Variants in TACC2 observed in about 807,000 individuals in gnomAD.
The protein encoded by TACC2 is transforming acidic coiled-coil-containing protein 2.
A neutral mutation model predicts 227.3 loss-of-function variants in TACC2; 137 were observed. That is an observed-to-expected ratio of 0.60 (90% CI 0.52 to 0.69). The LOEUF (loss-of-function observed/expected upper bound fraction) is 0.69. Among genes scored for constraint, TACC2 ranks in the 30% least tolerant of loss-of-function variants. TACC2 has a pLI of 0.00. For missense variants in TACC2, 3,470 were observed against 3,694.4 expected (o/e 0.94, Z 1.57); for synonymous variants, 1,523 against 1,487.5 (o/e 1.02, Z -0.55).
intron 1 of TACC2, among the ~76,000 whole-genome samples, chr10:121,990,583 T>C (rs1952987949): frequency 6.6e-6 from 1 of 152,084 alleles, no homozygotes; most frequent in African/African-American, 2.4e-5. Flanking sequence ...TTTCAGACCC[T>C]CTCCAGGGTC....
At chr10:122,131,956 C>T (rs765140785) in intron 5 of TACC2, among the ~76,000 whole-genome samples, 1 of 151,768 alleles carries the variant, frequency 6.6e-6, no homozygotes, top group Non-Finnish European at 1.5e-5. Flanking sequence ...CGTGAGGCGG[C>T]GGTTGCAATG....
intron 12 of TACC2, 127 bp downstream of exon 12, chr10:122,224,914 C>T (rs79620590): frequency 7.8e-5 from 60 of 764,612 alleles, no homozygotes; most frequent in Admixed American, 6.4e-4. Flanking sequence ...CACAGCTTCC[C>T]GGGTGCACAG....
rs188595721 is a variant in TACC2 at position 122,128,872 on chromosome 10, C to T, written c.5574-3737C>T. 2.7e-3 allele frequency among the ~76,000 whole-genome samples: 402 copies of T among 151,146 alleles called. 6 individuals are homozygous for T. The highest frequency in any genetic ancestry group is 0.011 in the Admixed American group (167 of 15,136). On this transcript the variant is annotated intron_variant, in intron 5 of 22. Coordinates refer to ENST00000369005, the MANE Select transcript of TACC2 (RefSeq NM_206862.4). Reference sequence around the variant, plus strand: ...TTCATTGTTCAGGCTATTATGCTTGCGCTGTCTCTCTCTCTCTCTGTCACG... The same window carrying T: ...TTCATTGTTCAGGCTATTATGCTTGTGCTGTCTCTCTCTCTCTCTGTCACG...
intron 5 of TACC2, among the ~76,000 whole-genome samples, chr10:122,115,584 G>A (rs1186727709): frequency 6.6e-6 from 1 of 152,178 alleles, no homozygotes; most frequent in African/African-American, 2.4e-5. Context: ...TCTCAATAGA[G>A]GATGCTGCCA....
At chr10:122,206,804 A>G (rs962456700) in intron 8 of TACC2, among the ~76,000 whole-genome samples, 1 of 152,208 alleles carries the variant, frequency 6.6e-6, no homozygotes, top group Non-Finnish European at 1.5e-5. Flanking sequence ...CAGTGGAGAC[A>G]TGAGGTGGAG....
At position 122,210,174 on chromosome 10, in the gene TACC2, C is replaced by T; in HGVS notation, c.5972-223C>T. ...TTCTTTAATCGGTCCTCATGATCCT[C>T]ATTGTACAGATGAGGGAACTCTGGG... On this transcript the variant is annotated intron_variant, in intron 8 of 22. Coordinates refer to ENST00000369005, the MANE Select transcript of TACC2 (RefSeq NM_206862.4). The surrounding 1 kb of genome is among the most constrained non-coding windows in gnomAD (Gnocchi z 4.6). 1.7e-6 allele frequency: 1 copy of T among 601,264 alleles called. No homozygotes were observed. Among genetic ancestry groups the T allele is most frequent in the South Asian group, 2.0e-5 (1 of 50,134 alleles). 37.2% of individuals were successfully genotyped at this position (601,264 alleles called of 1,614,324 possible).
chr10:122,184,950 T>C (rs1232600334), intron 7 of TACC2, among the ~76,000 whole-genome samples: 1 of 151,942 alleles, frequency 6.6e-6, no homozygotes, highest in Non-Finnish European at 1.5e-5. Flanking sequence ...CTCTAGTGGT[T>C]GGCCAGAGCT....
intron 8 of TACC2, among the ~76,000 whole-genome samples, chr10:122,207,874 C>T (rs1488977492): frequency 2.0e-5 from 3 of 152,116 alleles, no homozygotes; most frequent in Non-Finnish European, 2.9e-5. Flanking sequence ...TGTTTGTGGG[C>T]CTTGACGACG....
intron 7 of TACC2, among the ~76,000 whole-genome samples, chr10:122,173,767 A>G (rs983226213): frequency 1.3e-5 from 2 of 152,206 alleles, no homozygotes; most frequent in Non-Finnish European, 2.9e-5. Context: ...TTCCTTCTTC[A>G]TGTCCTTCCT....
intron 17 of TACC2, 148 bp from the exon 18 acceptor site, chr10:122,237,813 G>A (rs1428277942): frequency 2.7e-5 from 19 of 710,104 alleles, no homozygotes; most frequent in Non-Finnish European, 3.7e-5. Context: ...TTTTATGCTC[G>A]GGGAAGTTCT....
chr10:122,137,757 G>C (rs1487880149), intron 6 of TACC2, among the ~76,000 whole-genome samples: 1 of 152,168 alleles, frequency 6.6e-6, no homozygotes, highest in Admixed American at 6.5e-5. Flanking sequence ...GGGGTGTTGG[G>C]AGGGGCCCAC....
intron 2 of TACC2, among the ~76,000 whole-genome samples, chr10:122,031,397 C>CTTTTT (rs758476678): frequency 3.4e-4 from 31 of 91,746 alleles, no homozygotes; most frequent in African/African-American, 8.1e-4. Flanking sequence ...GGTCTAGCCT[C>CTTTTT]TTTTTTTTTT....
chr10:122,061,244 G>T (rs2076783032), intron 3 of TACC2, among the ~76,000 whole-genome samples: 1 of 143,956 alleles, frequency 6.9e-6, no homozygotes, highest in African/African-American at 2.6e-5. Context: ...CCGGGAGGCG[G>T]AGCTTGCAGT....
intron 5 of TACC2, among the ~76,000 whole-genome samples, chr10:122,116,784 C>T (rs938243638): frequency 2.0e-5 from 3 of 152,292 alleles, no homozygotes; most frequent in Middle Eastern, 3.4e-3. Flanking sequence ...AGGAGACATA[C>T]TATGAAACGC....
intron 2 of TACC2, among the ~76,000 whole-genome samples, chr10:122,029,793 G>A (rs554748258): frequency 6.6e-6 from 1 of 151,996 alleles, no homozygotes; most frequent in Non-Finnish European, 1.5e-5. Context: ...CTTTAGTCCT[G>A]CTCATTAACA....
At chr10:122,136,883 A>T (rs184283823) in intron 6 of TACC2, among the ~76,000 whole-genome samples, 191 of 152,058 alleles carry the variant, frequency 1.3e-3, no homozygotes, top group Non-Finnish European at 2.1e-3. Flanking sequence ...AAAAAAATTT[A>T]AAAAAAAGTA....
chr10:122,079,149 A>G (rs1287374620), intron 3 of TACC2: 1 of 152,300 alleles, frequency 6.6e-6, no homozygotes, highest in Middle Eastern at 3.4e-3. Context: ...TCACATACTA[A>G]ACTGTTTGAC....
At position 122,007,335 on chromosome 10, in the gene TACC2, G is replaced by C. The variant is rs575441959; in HGVS notation, c.-45-14602G>C. 2.6e-5 allele frequency among the ~76,000 whole-genome samples: 4 copies of C among 151,710 alleles called. No homozygotes were observed. The South Asian group carries it at 8.4e-4, about 32-fold the overall frequency. On this transcript the variant is annotated intron_variant, in intron 1 of 22. Transcript: ENST00000369005. Reference sequence around the variant, plus strand: ...CCTTGCTTTTTGTCCATTTCTATTTGCACGTTTGAATTTCTGATTCAAGGT... The same window carrying C: ...CCTTGCTTTTTGTCCATTTCTATTTCCACGTTTGAATTTCTGATTCAAGGT...
rs1275492631 is a variant in TACC2 at position 122,210,622 on chromosome 10, T to G, written c.6197T>G (p.Val2066Gly). 10 of 1,613,770 alleles carry G rather than the reference T, an allele frequency of 6.2e-6. No individual in the cohort carries two copies. The Admixed American group carries it at 1.7e-4, about 27-fold the overall frequency. Residue 2066 changes from valine (V) to glycine (G), a missense_variant, in exon 9 of 23, where the codon GTG (valine) becomes GGG (glycine). By Grantham distance (109) the Val-to-Gly change is moderately radical. Coordinates refer to ENST00000369005, the MANE Select transcript of TACC2 (RefSeq NM_206862.4). The surrounding 1 kb of genome is among the most constrained non-coding windows in gnomAD (Gnocchi z 4.6). The stretch of plus-strand genomic sequence containing the variant: ...GACGCTAAGAATCAGGAGGGCAAAG[T>G]GAACACACGGAGGAAGTCCACGGAT... ...ASDAKNQEGK[V>G]NTRRKSTDSV...
Sources: allele counts gnomAD v4.1 joint callset (sites outside exome capture counted in the v4.1 genomes callset), GRCh38; gene constraint gnomAD v4.1.1; non-coding constraint Gnocchi (gnomAD v3.1); transcripts MANE v1.5; gene names NCBI Gene and HGNC (gene_info 2026-07-23, HGNC 2026-07-21).